HSD17B6: variants seen among roughly 807,000 people sequenced by gnomAD.
The protein encoded by HSD17B6 is 17-beta-hydroxysteroid dehydrogenase type 6.
In HSD17B6, 16 loss-of-function variants were observed where a neutral mutation model predicts 26.4. That is an observed-to-expected ratio of 0.61 (90% confidence interval 0.41 to 0.92). HSD17B6 has a LOEUF of 0.92. Among genes scored for constraint, HSD17B6 ranks in the 40% least tolerant of loss-of-function variants. The pLI is 0.00. For synonymous variants in HSD17B6, 139 were observed against 153.0 expected (o/e 0.91, Z 0.68); for missense variants, 357 against 386.1 (o/e 0.92, Z 0.63).
At chr12:56,763,480 TGTA>T (rs1954251185) in intron 1 of HSD17B6, 66 bp downstream of exon 1, 1 of 136,596 alleles carries the variant, frequency 7.3e-6, no homozygotes, top group African/African-American at 2.9e-5. Flanking sequence ...TGTGTGTGTG[TGTA>T]GGGGATATGG....
chr12:56,767,511 C>T (rs1954358258), intron 1 of HSD17B6, among the ~76,000 whole-genome samples: 1 of 148,766 alleles, frequency 6.7e-6, no homozygotes, highest in Non-Finnish European at 1.5e-5. Flanking sequence ...GCGAGACTCC[C>T]TCTCAAAACA....
At chr12:56,785,725 T>C (rs1028957276) in intron 4 of HSD17B6, among the ~76,000 whole-genome samples, 3 of 150,360 alleles carry the variant, frequency 2.0e-5, no homozygotes, top group African/African-American at 7.5e-5. Flanking sequence ...AGATGTCTGC[T>C]CAACTAAAGT....
rs1954907673 is a variant in HSD17B6, at chr12:56,787,713, T to C, written c.*371T>C. On this transcript the variant is annotated 3_prime_UTR_variant, in exon 5 of 5. Transcript: ENST00000322165. ...ATTGTGAGGAAACTACTAAGAAATATGTTGGTGTGTTTGTCCTTACTTGAA... is the reference window on the plus strand; with the variant it reads ...ATTGTGAGGAAACTACTAAGAAATACGTTGGTGTGTTTGTCCTTACTTGAA... 1 of 182,224 alleles carries C rather than the reference T, an allele frequency of 5.5e-6. No individual in the cohort carries two copies. The highest frequency in any genetic ancestry group is 1.1e-5 in the Non-Finnish European group (1 of 87,030). The allele number at this position is 182,224 out of a possible 1,614,324, so 11.3% of individuals were successfully genotyped here.
intron 1 of HSD17B6, among the ~76,000 whole-genome samples, chr12:56,772,795 A>T (rs969876779): frequency 6.6e-6 from 1 of 152,040 alleles, no homozygotes; most frequent in African/African-American, 2.4e-5. Context: ...AGGCGTAAAA[A>T]GCCTGTGCTT....
intron 4 of HSD17B6, among the ~76,000 whole-genome samples, chr12:56,785,220 G>A (rs1300505585): frequency 1.3e-5 from 2 of 152,206 alleles, no homozygotes; most frequent in Admixed American, 1.3e-4. Flanking sequence ...GAGGGAATGA[G>A]TGCAAGCAGA....
At chr12:56,764,116 A>AT (rs1954271797) in intron 1 of HSD17B6, among the ~76,000 whole-genome samples, 1 of 151,438 alleles carries the variant, frequency 6.6e-6, no homozygotes, top group Non-Finnish European at 1.5e-5. Flanking sequence ...GAAAAAAAAA[A>AT]GAAAATCAAA....
chr12:56,785,508 G>C (rs1954856899), intron 4 of HSD17B6, among the ~76,000 whole-genome samples: 1 of 152,236 alleles, frequency 6.6e-6, no homozygotes, highest in Non-Finnish European at 1.5e-5. Context: ...ACAGAAGGAA[G>C]TCAGGAAGGT....
At chr12:56,770,580 TA>T (rs1463966873) in intron 1 of HSD17B6, 1 of 152,250 alleles carries the variant, frequency 6.6e-6, no homozygotes, top group Non-Finnish European at 1.5e-5. Flanking sequence ...TTTATCAGGA[TA>T]TTTTTACTTA....
intron 2 of HSD17B6, among the ~76,000 whole-genome samples, chr12:56,780,185 G>C (rs147974664): frequency 2.6e-4 from 40 of 152,190 alleles, no homozygotes; most frequent in African/African-American, 9.6e-4. Context: ...GTGTGTTTAG[G>C]TATGGATTTC....
intron 3 of HSD17B6, among the ~76,000 whole-genome samples, chr12:56,783,151 G>A (rs1246763892): frequency 2.0e-5 from 3 of 152,172 alleles, no homozygotes; most frequent in African/African-American, 7.2e-5. Context: ...TCAATGAGCT[G>A]TTGGGTACAC....
chr12:56,784,068 C>T (rs1219018057), intron 3 of HSD17B6, among the ~76,000 whole-genome samples: 3 of 150,834 alleles, frequency 2.0e-5, no homozygotes, highest in East Asian at 3.9e-4. Context: ...CTCCCCACAT[C>T]TCAGACGATG....
chr12:56,779,059 C>G (rs1414497634), intron 2 of HSD17B6, among the ~76,000 whole-genome samples: 1 of 149,494 alleles, frequency 6.7e-6, no homozygotes, highest in African/African-American at 2.5e-5. Flanking sequence ...TAGCATATAG[C>G]TGATATAAAA....
At chr12:56,768,303 CAG>C (rs966444913) in intron 1 of HSD17B6, among the ~76,000 whole-genome samples, 1 of 151,936 alleles carries the variant, frequency 6.6e-6, no homozygotes, top group African/African-American at 2.4e-5. Flanking sequence ...AGAGAGTTTC[CAG>C]AGAGTGATGG....
Position 56,784,688 on chromosome 12 carries a change from C to T in HSD17B6, c.573-165C>T, listed in dbSNP as rs367711806. Among the ~76,000 whole-genome samples, 52 of 151,908 alleles carry T rather than the reference C, an allele frequency of 3.4e-4. 2 individuals carry two copies. The East Asian group carries it at 8.7e-3, about 25-fold the overall frequency. On this transcript the variant is annotated intron_variant, in intron 3 of 4. Transcript: ENST00000322165. ...CATGGAAAGAGAGGGAGAGGGAGACCGTGGGGAGAGGGAGACGAGGGAGAG... is the reference window on the plus strand; with the variant it reads ...CATGGAAAGAGAGGGAGAGGGAGACTGTGGGGAGAGGGAGACGAGGGAGAG...
At chr12:56,783,739 G>A (rs1268923972) in intron 3 of HSD17B6, among the ~76,000 whole-genome samples, 1 of 141,826 alleles carries the variant, frequency 7.1e-6, no homozygotes, top group Non-Finnish European at 1.5e-5. Flanking sequence ...CGGGCAGAGG[G>A]GCTCCTCACT....
chr12:56,786,202 G>T (rs1954870072), intron 4 of HSD17B6, among the ~76,000 whole-genome samples: 1 of 149,032 alleles, frequency 6.7e-6, no homozygotes, highest in Non-Finnish European at 1.5e-5. Flanking sequence ...TATCTGTGTT[G>T]TTCTAAACCT....
At chr12:56,770,656 A>G (rs1327604830) in intron 1 of HSD17B6, 1 of 152,198 alleles carries the variant, frequency 6.6e-6, no homozygotes, top group Non-Finnish European at 1.5e-5. Flanking sequence ...GGCCAGGTGC[A>G]GACTAATATG....
At chr12:56,774,325 G>A (rs1416104006) in intron 2 of HSD17B6, among the ~76,000 whole-genome samples, 160 bp downstream of exon 2, 1 of 152,134 alleles carries the variant, frequency 6.6e-6, no homozygotes, top group Non-Finnish European at 1.5e-5. Context: ...GCAGTATTTG[G>A]TTATAACCTA....
At chr12:56,779,491 G>A (rs1954667357) in intron 2 of HSD17B6, among the ~76,000 whole-genome samples, 2 of 151,994 alleles carry the variant, frequency 1.3e-5, no homozygotes, top group South Asian at 4.2e-4. Context: ...CTTTTTATTT[G>A]TCCCATTTTT....
Sources: gnomAD v4.1 joint callset for allele counts (sites outside exome capture counted in the v4.1 genomes callset) on GRCh38, gnomAD v4.1.1 for gene constraint, MANE v1.5 for transcripts, NCBI Gene and HGNC (gene_info 2026-07-23, HGNC 2026-07-21) for gene names.